The following DAGLA variants were observed in gnomAD, a reference collection of about 807,000 sequenced individuals.
The protein encoded by DAGLA is diacylglycerol lipase alpha.
In DAGLA, 22 loss-of-function variants were observed where a neutral mutation model predicts 102.6. The observed-to-expected ratio is 0.21, with a 90% CI of 0.15 to 0.31. DAGLA has a LOEUF of 0.31. DAGLA is among the 10% of genes least tolerant of loss of function. The probability of loss-of-function intolerance (pLI) is 1.00; values close to 1 mark genes in which losing one functional copy is unlikely to be tolerated. For missense variants in DAGLA, 927 were observed against 1,446.6 expected (o/e 0.64, Z 5.83); for synonymous variants, 578 against 628.9 (o/e 0.92, Z 1.21).
Position 61,735,623 on chromosome 11 carries a change from C to T in DAGLA, c.1191C>T (p.Ile397=). Residue 397 remains isoleucine, a synonymous_variant, in exon 11 of 20, where the codon ATC becomes ATT. Transcript: ENST00000257215. ...DHDKKKVVIS[I]RGTLSPKDAL... ...ACAAGAAGAAAGTGGTGATCAGTAT[C>T]CGGGGGACCCTGTCCCCCAAGGTAC... is the stretch of plus-strand genomic sequence containing the variant. The T allele has an allele frequency of 6.2e-7, 1 of 1,614,064 alleles. No individual in the cohort carries two copies. The highest frequency in any genetic ancestry group is 8.5e-7 in the Non-Finnish European group (1 of 1,179,950).
intron 1 of DAGLA, among the ~76,000 whole-genome samples, chr11:61,708,784 G>A (rs1359882659): frequency 1.3e-5 from 2 of 152,196 alleles, no homozygotes; most frequent in African/African-American, 2.4e-5. Context: ...AGAGGGCTGC[G>A]TTGTATATTG....
At chr11:61,704,482 T>C (rs2065134317) in intron 1 of DAGLA, among the ~76,000 whole-genome samples, 1 of 152,182 alleles carries the variant, frequency 6.6e-6, no homozygotes, top group African/African-American at 2.4e-5. Context: ...CTAATACTTT[T>C]AGGTTTTATG....
chr11:61,697,370 A>G (rs971423085), intron 1 of DAGLA, among the ~76,000 whole-genome samples: 1 of 152,216 alleles, frequency 6.6e-6, no homozygotes, highest in Non-Finnish European at 1.5e-5. Context: ...CCCTCCAGGC[A>G]AGGCCAGCAT....
intron 1 of DAGLA, among the ~76,000 whole-genome samples, chr11:61,704,266 G>A (rs548422076): frequency 1.2e-4 from 18 of 152,138 alleles, no homozygotes; most frequent in East Asian, 3.9e-4. Context: ...TTACAGGCGC[G>A]TGCCACCATG....
intron 14 of DAGLA, 85 bp downstream of exon 14, chr11:61,737,409 G>C (rs2065432570): frequency 6.4e-7 from 1 of 1,571,382 alleles, no homozygotes; most frequent in Admixed American, 1.7e-5. Flanking sequence ...GGCTGGACTG[G>C]GAGTCTGACT....
Position 61,686,327 on chromosome 11 carries a change from C to T in DAGLA, c.-45+5823C>T, listed in dbSNP as rs998551121. Among the ~76,000 whole-genome samples the T allele has an allele frequency of 4.6e-5, 7 of 152,136 alleles. No individual in the cohort carries two copies. Among genetic ancestry groups the T allele is most frequent in the South Asian group, 2.1e-4 (1 of 4,822 alleles). Reference sequence around the variant, plus strand: ...GGGTCTGACTCCCGTCAGTGCTGGGCGGGAGTGTGAACGGCAGGCTTTCAG... The same window carrying T: ...GGGTCTGACTCCCGTCAGTGCTGGGTGGGAGTGTGAACGGCAGGCTTTCAG... On this transcript the variant is annotated intron_variant, in intron 1 of 19. Coordinates refer to ENST00000257215, the MANE Select transcript of DAGLA (RefSeq NM_006133.3). This position sits in a 1 kb window ranked among gnomAD's most constrained non-coding sequence, Gnocchi z 5.2.
At chr11:61,703,469 G>A (rs2135562633) in intron 1 of DAGLA, among the ~76,000 whole-genome samples, 1 of 152,316 alleles carries the variant, frequency 6.6e-6, no homozygotes, top group Admixed American at 6.5e-5. Flanking sequence ...TTCTCTCCAG[G>A]CTAGAGGAGG....
intron 1 of DAGLA, among the ~76,000 whole-genome samples, chr11:61,717,509 C>A (rs198432): frequency 0.26 from 39,262 of 152,156 alleles, 5,320 homozygotes; most frequent in East Asian, 0.46. Context: ...CCTCTGCAGA[C>A]CTCTCATGTG....
intron 1 of DAGLA, among the ~76,000 whole-genome samples, chr11:61,697,079 G>T (rs569636398): frequency 6.6e-6 from 1 of 152,298 alleles, no homozygotes; most frequent in East Asian, 1.9e-4. Context: ...GGCATGGTTC[G>T]GTCTTGGCAG....
intron 1 of DAGLA, among the ~76,000 whole-genome samples, chr11:61,703,953 A>C (rs911599001): frequency 6.6e-6 from 1 of 152,222 alleles, no homozygotes; most frequent in Non-Finnish European, 1.5e-5. Context: ...ATGATTGGAC[A>C]CAAAGAGTAA....
At chr11:61,729,605 G>A (rs1035084165) in intron 8 of DAGLA, among the ~76,000 whole-genome samples, 4 of 152,116 alleles carry the variant, frequency 2.6e-5, no homozygotes, top group African/African-American at 7.2e-5. Flanking sequence ...CTGTCGCTGC[G>A]ACCTCCAGCA....
intron 7 of DAGLA, 90 bp from the exon 8 acceptor site, chr11:61,728,841 C>A: frequency 8.9e-7 from 1 of 1,127,688 alleles, no homozygotes; most frequent in Non-Finnish European, 1.3e-6. Flanking sequence ...CTTTGGGAAG[C>A]AGGCGGACGC....
rs532702006 is a variant in DAGLA at position 61,744,418 on chromosome 11, C to T, written c.3058C>T (p.Arg1020Trp). The T allele has an allele frequency of 2.4e-5, 38 of 1,609,272 alleles. No homozygotes were observed. Among genetic ancestry groups the T allele is most frequent in the South Asian group, 3.3e-5 (3 of 90,822 alleles). ...SQECLAADKI[R>W]TSTPTGHGAS... is the part of the protein sequence containing the mutation. ...GGAATGCCTGGCGGCTGACAAGATC[C>T]GGACTTCTACCCCCACTGGCCACGG... is the stretch of plus-strand genomic sequence containing the variant. The change falls in exon 20 of 20, where the codon CGG (arginine) becomes TGG (tryptophan). Residue 1020 changes from arginine to tryptophan, a missense_variant. By Grantham distance (101) the Arg-to-Trp change is moderately radical. Coordinates refer to ENST00000257215, the MANE Select transcript of DAGLA (RefSeq NM_006133.3).
chr11:61,740,037 C>T (rs573512513), intron 17 of DAGLA, among the ~76,000 whole-genome samples: 49 of 152,374 alleles, frequency 3.2e-4, no homozygotes, highest in Admixed American at 2.7e-3. Flanking sequence ...GGGAATTCCT[C>T]GAAGACAGCT....
At chr11:61,721,823 A>T (rs2065285770) in intron 3 of DAGLA, among the ~76,000 whole-genome samples, 1 of 152,240 alleles carries the variant, frequency 6.6e-6, no homozygotes, top group African/African-American at 2.4e-5. Context: ...CCGTTTATAG[A>T]TGAGGAAACT....
intron 1 of DAGLA, among the ~76,000 whole-genome samples, chr11:61,693,545 C>A (rs1206145678): frequency 6.6e-6 from 1 of 152,086 alleles, no homozygotes; most frequent in African/African-American, 2.4e-5. Context: ...GACCGGGTTT[C>A]ACCATATTGG....
chr11:61,708,962 G>A (rs1005870626), intron 1 of DAGLA, among the ~76,000 whole-genome samples: 6 of 152,144 alleles, frequency 3.9e-5, no homozygotes, highest in Non-Finnish European at 5.9e-5. Context: ...GAGGGGATAG[G>A]GAGGTCTGAA....
chr11:61,737,539 G>A (rs1196190885), intron 14 of DAGLA, 148 bp from the exon 15 acceptor site: 2 of 1,025,656 alleles, frequency 1.9e-6, no homozygotes, highest in South Asian at 1.4e-5. Context: ...AGAGCAGGGA[G>A]CAGGCAACCC....
rs181924336 is a variant in DAGLA at position 61,738,067 on chromosome 11, C to T, written c.1584-68C>T. On this transcript the variant is annotated intron_variant, in intron 15 of 19. Coordinates refer to ENST00000257215, the MANE Select transcript of DAGLA (RefSeq NM_006133.3). ...CTAGGCGTGTGCCTGCCCCTCCGCC[C>T]CTGGCCCCATACCTCTCATAGCCGC... is the stretch of plus-strand genomic sequence containing the variant. 4.5e-6 allele frequency: 6 copies of T among 1,321,690 alleles called. No homozygotes were observed. The African/African-American group carries it at 7.2e-5, about 16-fold the overall frequency. The allele number at this position is 1,321,690 out of a possible 1,614,324, so 81.9% of individuals were successfully genotyped here.
Sources: allele counts gnomAD v4.1 joint callset (sites outside exome capture counted in the v4.1 genomes callset), GRCh38; gene constraint gnomAD v4.1.1; non-coding constraint Gnocchi (gnomAD v3.1); transcripts MANE v1.5; gene names NCBI Gene and HGNC (gene_info 2026-07-23, HGNC 2026-07-21).